Variants in PLPP4 observed in about 807,000 individuals in gnomAD.
The protein encoded by PLPP4 is diacylglycerol pyrophosphate like 2.
In PLPP4, 20 loss-of-function variants were observed where a neutral mutation model predicts 32.2. The ratio of observed to expected loss-of-function variants is 0.62; its 90% confidence interval spans 0.44 to 0.90. The LOEUF is 0.90. Among genes scored for constraint, PLPP4 ranks in the 40% least tolerant of loss-of-function variants. The pLI, the probability that PLPP4 is intolerant of heterozygous loss-of-function variation, is 0.00. For synonymous variants in PLPP4, 127 were observed against 133.0 expected, an observed-to-expected ratio of 0.95 and a Z score of 0.31; for missense variants, 257 against 353.1, an observed-to-expected ratio of 0.73 and a Z score of 2.18.
At chr10:120,578,813 T>C (rs945782182) in intron 6 of PLPP4, among the ~76,000 whole-genome samples, 5 of 152,254 alleles carry the variant, frequency 3.3e-5, no homozygotes, top group African/African-American at 1.2e-4. Flanking sequence ...GTGGCTGATG[T>C]GGCCTGTGTC....
chr10:120,547,292 G>A (rs1019209159), intron 5 of PLPP4, among the ~76,000 whole-genome samples: 1 of 152,000 alleles, frequency 6.6e-6, no homozygotes, highest in Admixed American at 6.6e-5. Context: ...AGAAATTAGA[G>A]GGCAAATCAT....
chr10:120,481,080 A>T (rs554018168), intron 1 of PLPP4, among the ~76,000 whole-genome samples: 2 of 152,324 alleles, frequency 1.3e-5, no homozygotes, highest in Admixed American at 1.3e-4. Flanking sequence ...CTGAGCTATG[A>T]CACAGTGACT....
intron 2 of PLPP4, 90 bp downstream of exon 2, chr10:120,504,016 A>G: frequency 1.1e-6 from 1 of 871,468 alleles, no homozygotes; most frequent in South Asian, 1.5e-5. Flanking sequence ...CCCTGAAGAC[A>G]GTGGGTGGCC....
intron 4 of PLPP4, among the ~76,000 whole-genome samples, chr10:120,519,836 G>A (rs997327230): frequency 4.6e-5 from 7 of 152,214 alleles, no homozygotes; most frequent in African/African-American, 9.6e-5. Context: ...GGTGCTCAGC[G>A]AATATTAGTT....
chr10:120,536,963 G>C (rs376148792), intron 5 of PLPP4, among the ~76,000 whole-genome samples: 3 of 152,082 alleles, frequency 2.0e-5, no homozygotes, highest in Non-Finnish European at 4.4e-5. Context: ...AATTATGAGG[G>C]AAATGCCATT....
chr10:120,520,850 G>C, intron 4 of PLPP4, 121 bp from the exon 5 acceptor site: 1 of 1,229,958 alleles, frequency 8.1e-7, no homozygotes, highest in African/African-American at 1.5e-5. Flanking sequence ...AGGAGCTCCA[G>C]TGTTGACAGC....
intron 1 of PLPP4, among the ~76,000 whole-genome samples, chr10:120,480,482 T>C (rs1260913721): frequency 1.3e-5 from 2 of 152,124 alleles, no homozygotes; most frequent in Non-Finnish European, 2.9e-5. Context: ...GGAAAGCTAA[T>C]ATATTGAATA....
chr10:120,499,604 TG>T (rs1247825982), intron 1 of PLPP4, among the ~76,000 whole-genome samples: 3 of 152,146 alleles, frequency 2.0e-5, no homozygotes, highest in Non-Finnish European at 4.4e-5. Context: ...GCTGCTGCCC[TG>T]GCCCCTTGTG....
intron 1 of PLPP4, among the ~76,000 whole-genome samples, chr10:120,466,791 G>A (rs1466696683): frequency 1.3e-5 from 2 of 152,090 alleles, no homozygotes; most frequent in Non-Finnish European, 2.9e-5. Context: ...AGCTTGTAAA[G>A]ATGAGGTGAT....
intron 1 of PLPP4, among the ~76,000 whole-genome samples, chr10:120,487,344 TGTG>T (rs1844506787): frequency 6.6e-6 from 1 of 152,210 alleles, no homozygotes; most frequent in African/African-American, 2.4e-5. Context: ...CTTCCGCTGA[TGTG>T]GTGTGTAGTG....
At chr10:120,539,309 A>G (rs1847225432) in intron 5 of PLPP4, among the ~76,000 whole-genome samples, 2 of 152,138 alleles carry the variant, frequency 1.3e-5, no homozygotes, top group East Asian at 3.9e-4. Flanking sequence ...GGAGTTAGGA[A>G]ATTCTGTGGT....
chr10:120,537,039 A>G (rs527709087), intron 5 of PLPP4, among the ~76,000 whole-genome samples: 8 of 152,310 alleles, frequency 5.3e-5, no homozygotes, highest in Admixed American at 5.2e-4. Flanking sequence ...ACAAGAGATA[A>G]TAAATGTTGG....
intron 1 of PLPP4, among the ~76,000 whole-genome samples, chr10:120,477,851 C>T (rs187570333): frequency 7.9e-5 from 12 of 152,308 alleles, no homozygotes; most frequent in Non-Finnish European, 1.0e-4. Flanking sequence ...ACTGGAGGAA[C>T]GGGCTGTCCC....
intron 1 of PLPP4, among the ~76,000 whole-genome samples, chr10:120,461,970 C>T (rs748487090): frequency 4.6e-5 from 7 of 152,160 alleles, no homozygotes; most frequent in South Asian, 2.1e-4. Flanking sequence ...TTTGAAATAT[C>T]GACAAAAACA....
At chr10:120,580,025 C>A in intron 6 of PLPP4, among the ~76,000 whole-genome samples, 1 of 144,602 alleles carries the variant, frequency 6.9e-6, no homozygotes, top group East Asian at 2.1e-4. Flanking sequence ...GAGGCTGAGG[C>A]AGGAGAATGG....
intron 5 of PLPP4, among the ~76,000 whole-genome samples, chr10:120,526,575 T>A (rs1846401392): frequency 1.3e-5 from 2 of 152,172 alleles, no homozygotes; most frequent in African/African-American, 4.8e-5. Flanking sequence ...GCGTAGGTGC[T>A]CACAGGTCAG....
chr10:120,492,683 C>T (rs1364946038), intron 1 of PLPP4, among the ~76,000 whole-genome samples: 1 of 152,218 alleles, frequency 6.6e-6, no homozygotes. Context: ...GTTTCAACTC[C>T]ACAGCTCTGG....
At chr10:120,581,662 G>T (rs1291837650) in intron 6 of PLPP4, among the ~76,000 whole-genome samples, 2 of 152,042 alleles carry the variant, frequency 1.3e-5, no homozygotes, top group East Asian at 3.9e-4. Flanking sequence ...CTTTCCACAG[G>T]CTCCACCTTG....
chr10:120,539,590 A>G (rs1847239963), intron 5 of PLPP4, among the ~76,000 whole-genome samples: 1 of 152,140 alleles, frequency 6.6e-6, no homozygotes, highest in African/African-American at 2.4e-5. Context: ...CGGGGCAGAG[A>G]TAAATGATCA....
Sources: allele counts gnomAD v4.1 joint callset (sites outside exome capture counted in the v4.1 genomes callset), GRCh38; gene constraint gnomAD v4.1.1; transcripts MANE v1.5; gene names NCBI Gene and HGNC (gene_info 2026-07-23, HGNC 2026-07-21).